Variants in LYSET observed in about 807,000 individuals in gnomAD.
LYSET encodes the protein lysosomal enzyme trafficking factor, also known as GNPTAB cleavage and activity factor.
chr14:93,185,711 G>C, the LYSET span, among the ~76,000 whole-genome samples: 2 of 152,132 alleles, frequency 1.3e-5, no homozygotes, highest in African/African-American at 4.8e-5. Context: ...GCAGAACTCA[G>C]TATATACTGA....
chr14:93,186,186 A>C, the LYSET span: 1 of 1,430,906 alleles, frequency 7.0e-7, no homozygotes, highest in East Asian at 2.3e-5. Context: ...CTTGGAGATA[A>C]AGCAAGTACA....
chr14:93,185,597 A>T, the LYSET span: 1 of 889,114 alleles, frequency 1.1e-6, no homozygotes, highest in Non-Finnish European at 1.8e-6. Flanking sequence ...TCAAAGTGAA[A>T]TGTGCTGTGA....
At chr14:93,186,447 T>G in the LYSET span, 3 of 1,614,204 alleles carry the variant, frequency 1.9e-6, no homozygotes, top group African/African-American at 4.0e-5. Flanking sequence ...ATGGACACAC[T>G]CCTTGAAAGC....
the LYSET span, chr14:93,185,465 A>G: frequency 6.2e-7 from 1 of 1,612,712 alleles, no homozygotes; most frequent in Non-Finnish European, 8.5e-7. Flanking sequence ...CCGTGGGAAC[A>G]GGAAGATTTT....
At chr14:93,187,412 C>T in the LYSET span, among the ~76,000 whole-genome samples, 1 of 152,070 alleles carries the variant, frequency 6.6e-6, no homozygotes, top group African/African-American at 2.4e-5. Context: ...GTGTGAGCTA[C>T]CATGCCCAGC....
chr14:93,185,250 G>T, the LYSET span: 2 of 537,376 alleles, frequency 3.7e-6, no homozygotes, highest in Non-Finnish European at 6.2e-6. Context: ...TTCTCAGAGC[G>T]GGTCTCCGGC....
the LYSET span, chr14:93,186,348 T>G: frequency 6.2e-7 from 1 of 1,614,230 alleles, no homozygotes; most frequent in Middle Eastern, 1.6e-4. Context: ...AGCAGCATTT[T>G]ACTATGTTTT....
the LYSET span, chr14:93,186,206 G>T: frequency 2.0e-6 from 3 of 1,504,584 alleles, no homozygotes; most frequent in Non-Finnish European, 2.7e-6. Flanking sequence ...ATTTGGAGTA[G>T]TTGCCGTGAC....
At chr14:93,187,520 A>G in the LYSET span, among the ~76,000 whole-genome samples, 1 of 152,292 alleles carries the variant, frequency 6.6e-6, no homozygotes, top group South Asian at 2.1e-4. Flanking sequence ...TTAGAAAACT[A>G]TCTGGGAAGA....
At chr14:93,187,571 A>C in the LYSET span, among the ~76,000 whole-genome samples, 2 of 152,206 alleles carry the variant, frequency 1.3e-5, no homozygotes, top group East Asian at 3.8e-4. Context: ...ATAACTTACA[A>C]ATAGAAGATG....
At chr14:93,187,737 C>T in the LYSET span, among the ~76,000 whole-genome samples, 7 of 152,232 alleles carry the variant, frequency 4.6e-5, no homozygotes, top group South Asian at 1.0e-3. Context: ...CAACCTCCAC[C>T]TCTCGGGTTT....
the LYSET span, chr14:93,186,304 G>A: frequency 1.9e-6 from 3 of 1,614,180 alleles, no homozygotes; most frequent in Non-Finnish European, 2.5e-6. Flanking sequence ...CGGATGGGAT[G>A]GATTGGAGTG....
the LYSET span, chr14:93,185,439 G>T: frequency 6.2e-7 from 1 of 1,613,674 alleles, no homozygotes; most frequent in Non-Finnish European, 8.5e-7. Context: ...AGAGCTGAGT[G>T]ACTCTTTAAC....
At chr14:93,186,456 G>A in the LYSET span, 16 of 1,614,104 alleles carry the variant, frequency 9.9e-6, no homozygotes, top group Non-Finnish European at 1.3e-5. Flanking sequence ...CTCCTTGAAA[G>A]CTCAATTACT....
At chr14:93,186,195 C>G in the LYSET span, 1 of 1,465,540 alleles carries the variant, frequency 6.8e-7, no homozygotes, top group Non-Finnish European at 9.3e-7. Context: ...AAAGCAAGTA[C>G]ATTTGGAGTA....
the LYSET span, among the ~76,000 whole-genome samples, chr14:93,185,661 T>A: frequency 4.6e-5 from 7 of 152,284 alleles, no homozygotes; most frequent in South Asian, 6.2e-4. Flanking sequence ...CCTGTTTAAG[T>A]AGGATGCAGT....
chr14:93,185,415 C>T, the LYSET span: 3 of 1,612,788 alleles, frequency 1.9e-6, no homozygotes, highest in South Asian at 2.2e-5. Flanking sequence ...AATGCCAAAG[C>T]CACCCGATTA....
chr14:93,185,333 C>A, the LYSET span: 1 of 1,469,350 alleles, frequency 6.8e-7, no homozygotes, highest in Non-Finnish European at 9.5e-7. Flanking sequence ...AGCTGGTGCT[C>A]CAGGCTGGCG....
At chr14:93,188,266 A>G in the LYSET span, among the ~76,000 whole-genome samples, 1 of 152,168 alleles carries the variant, frequency 6.6e-6, no homozygotes, top group East Asian at 1.9e-4. Context: ...ATAGCAGGTA[A>G]TTTAGTCCAG....
Sources: allele counts gnomAD v4.1 joint callset (sites outside exome capture counted in the v4.1 genomes callset), GRCh38; gene constraint gnomAD v4.1.1; transcripts MANE v1.5; gene names NCBI Gene and HGNC (gene_info 2026-07-23, HGNC 2026-07-21).